Variants in COG6 observed in about 807,000 individuals in gnomAD.
COG6 encodes conserved oligomeric Golgi complex subunit 6.
COG6 carries 74 observed loss-of-function variants against 88.8 expected under a neutral mutation model. The ratio of observed to expected loss-of-function variants is 0.83; its 90% CI spans 0.69 to 1.01. COG6 has a LOEUF of 1.01. Ranked by LOEUF, COG6 falls within the 50% of genes least tolerant of loss-of-function variation. COG6 has a pLI of 0.00. For synonymous variants in COG6, 286 were observed against 278.7 expected (o/e 1.03, Z -0.26); for missense variants, 800 against 797.9 (o/e 1.00, Z -0.03).
intron 16 of COG6, 148 bp from the exon 17 acceptor site, chr13:39,724,360 G>C: frequency 1.6e-6 from 1 of 641,276 alleles, no homozygotes; most frequent in Non-Finnish European, 2.8e-6. Flanking sequence ...TGAGGTTGAA[G>C]AAATTACACT....
chr13:39,676,738 A>G (rs577033275), intron 4 of COG6, among the ~76,000 whole-genome samples: 1 of 152,186 alleles, frequency 6.6e-6, no homozygotes, highest in East Asian at 1.9e-4. Flanking sequence ...AACTTTATTT[A>G]TATATTTTCA....
At chr13:39,736,479 G>A (rs1212348333) in intron 18 of COG6, among the ~76,000 whole-genome samples, 1 of 152,040 alleles carries the variant, frequency 6.6e-6, no homozygotes, top group African/African-American at 2.4e-5. Flanking sequence ...GATTACCTGA[G>A]GTCAGGAGTT....
downstream of COG6, among the ~76,000 whole-genome samples, chr13:39,752,964 G>C (rs1036618279): frequency 2.6e-5 from 4 of 152,172 alleles, no homozygotes; most frequent in African/African-American, 9.6e-5. Context: ...TTATGTGGTT[G>C]AACTTTTCCA....
At chr13:39,773,552 C>T (rs1482197419) in intron 18 of COG6, among the ~76,000 whole-genome samples, 2 of 152,102 alleles carry the variant, frequency 1.3e-5, no homozygotes, top group South Asian at 4.2e-4. Flanking sequence ...TTTAGATTGG[C>T]GGCACCCATT....
chr13:39,769,278 A>T (rs1042063630), intron 18 of COG6, among the ~76,000 whole-genome samples: 3 of 152,228 alleles, frequency 2.0e-5, no homozygotes, highest in Admixed American at 6.5e-5. Context: ...AATGTTCAAG[A>T]TTATAAGAGA....
At chr13:39,753,254 C>G (rs1880725959), downstream of COG6, among the ~76,000 whole-genome samples, 1 of 152,110 alleles carries the variant, frequency 6.6e-6, no homozygotes, top group South Asian at 2.1e-4. Context: ...AGATCCCTGT[C>G]CCTTCTACCA....
chr13:39,678,947 T>G (rs1360037789), intron 5 of COG6, among the ~76,000 whole-genome samples: 1 of 152,138 alleles, frequency 6.6e-6, no homozygotes, highest in Non-Finnish European at 1.5e-5. Flanking sequence ...ATTTTAAGTT[T>G]TATTCATCAA....
At chr13:39,738,964 T>A (rs1382171795) in intron 18 of COG6, among the ~76,000 whole-genome samples, 1 of 152,046 alleles carries the variant, frequency 6.6e-6, no homozygotes, top group Non-Finnish European at 1.5e-5. Context: ...TCTCAGTAAT[T>A]GATACAAAAA....
At position 39,782,613 on chromosome 13, in the gene COG6, A is replaced by T. The variant is rs1408369622; in HGVS notation, c.1827-5722A>T. Among the ~76,000 whole-genome samples, 3 of 152,122 alleles carry T rather than the reference A, an allele frequency of 2.0e-5. No homozygotes were observed. The East Asian group carries it at 5.8e-4, about 29-fold the overall frequency. ...TCATTTTCATCCAGACTGAGGATGA[A>T]ATGAAAATGAGAGCTACACCTGTCC... On this transcript the variant is annotated intron_variant, in intron 18 of 18. Coordinates refer to the COG6 transcript ENST00000416691.
In COG6 at chr13:39,679,625, G is replaced by A; in HGVS notation, c.623+5G>A. The A allele has an allele frequency of 6.4e-7, 1 of 1,566,480 alleles. No homozygotes were observed. Among genetic ancestry groups the A allele is most frequent in the Non-Finnish European group, 8.8e-7 (1 of 1,136,708 alleles). The stretch of plus-strand genomic sequence containing the variant: ...TACAAATCAACAAACGGCAGGGTGA[G>A]TAACTGCTCACTGAACTAATTGCAT... On this transcript the variant is annotated splice_donor_5th_base_variant and intron_variant, in intron 6 of 18. Coordinates refer to ENST00000455146, the MANE Select transcript of COG6 (RefSeq NM_020751.3).
chr13:39,747,197 C>G (rs1880394156), intron 18 of COG6, among the ~76,000 whole-genome samples: 1 of 152,088 alleles, frequency 6.6e-6, no homozygotes, highest in African/African-American at 2.4e-5. Flanking sequence ...CCATATAGAA[C>G]TGATTAGAAA....
Position 39,682,228 on chromosome 13 carries a change from C to T in COG6, c.752C>T (p.Ala251Val), listed in dbSNP as rs1056819767. 1.2e-6 allele frequency: 2 copies of T among 1,612,210 alleles called. No homozygotes were observed. Among genetic ancestry groups the T allele is most frequent in the Non-Finnish European group, 1.7e-6 (2 of 1,178,498 alleles). ...GACGTATCTCCAGTATTGACACAGGCAATGGAAGCCCTGCAGGACAGACCT... is the reference window on the plus strand; with the variant it reads ...GACGTATCTCCAGTATTGACACAGGTAATGGAAGCCCTGCAGGACAGACCT... ...SCDVSPVLTQ[A>V]MEALQDRPVL... The change falls in exon 8 of 19, where the codon GCA (alanine) becomes GTA (valine). Residue 251 changes from alanine to valine, a missense_variant. Ala to Val is a moderately conservative substitution (Grantham distance 64). Transcript: ENST00000455146.
downstream of COG6, among the ~76,000 whole-genome samples, chr13:39,755,655 A>C (rs1024993400): frequency 6.6e-6 from 1 of 152,088 alleles, no homozygotes; most frequent in Non-Finnish European, 1.5e-5. Context: ...GAACAGAGAG[A>C]CCGTAATCTC....
rs114269729 is a variant in COG6, at chr13:39,674,852, G to A, written c.429-2616G>A. Among the ~76,000 whole-genome samples, 1,098 of 152,122 alleles carry A rather than the reference G, an allele frequency of 7.2e-3. 16 individuals are homozygous for A. The highest frequency in any genetic ancestry group is 0.026 in the African/African-American group (1,062 of 41,490). On this transcript the variant is annotated intron_variant, in intron 4 of 18. Transcript: ENST00000455146. ...CAGTTATCAGATTGAAAAACAGTAC[G>A]TGTAGGATTTGGTACCGTCAGCAGT...
At chr13:39,679,830 T>C in intron 6 of COG6, 145 bp from the exon 7 acceptor site, 1 of 681,308 alleles carries the variant, frequency 1.5e-6, no homozygotes. Context: ...GACATTTATT[T>C]AATTGTAGAA....
exon 19 of COG6, chr13:39,789,639 C>T (rs529472676): frequency 1.3e-5 from 2 of 152,418 alleles, no homozygotes; most frequent in East Asian, 1.9e-4. Context: ...ATTCCATAAC[C>T]ATTTTTCCCA....
chr13:39,751,926 C>G lies in COG6; in HGVS notation c.*833C>G. On this transcript the variant is annotated 3_prime_UTR_variant, in exon 19 of 19. Coordinates refer to ENST00000455146, the MANE Select transcript of COG6 (RefSeq NM_020751.3). ...CATACAATATGGGTCCTAAATCCAA[C>G]CAACTACACATTTTATCTGGTGTTC... 1 of 1,229,110 alleles carries G rather than the reference C, an allele frequency of 8.1e-7. No individual in the cohort carries two copies. Among genetic ancestry groups the G allele is most frequent in the South Asian group, 1.3e-5 (1 of 79,754 alleles). 76.1% of individuals were successfully genotyped at this position (1,229,110 alleles called of 1,614,324 possible).
chr13:39,711,353 G>A (rs1878227921), intron 13 of COG6, among the ~76,000 whole-genome samples: 1 of 152,120 alleles, frequency 6.6e-6, no homozygotes, highest in Non-Finnish European at 1.5e-5. Flanking sequence ...CCCTACAGAA[G>A]AATCTAAGAG....
At chr13:39,771,195 A>G (rs1200279862) in intron 18 of COG6, among the ~76,000 whole-genome samples, 1 of 152,140 alleles carries the variant, frequency 6.6e-6, no homozygotes, top group East Asian at 1.9e-4. Context: ...ACCAATTCCC[A>G]ACAACTTAAG....
Sources: gnomAD v4.1 joint callset for allele counts (sites outside exome capture counted in the v4.1 genomes callset) on GRCh38, gnomAD v4.1.1 for gene constraint, MANE v1.5 for transcripts, NCBI Gene and HGNC (gene_info 2026-07-23, HGNC 2026-07-21) for gene names.